DPRX: variants seen among roughly 807,000 people sequenced by gnomAD.
DPRX encodes the protein divergent-paired related homeobox.
DPRX carries 11 observed loss-of-function variants against 8.4 expected under a neutral mutation model. The observed-to-expected ratio is 1.31, with a 90% CI of 0.82 to 2.17. DPRX has a LOEUF of 2.17. Ranked by LOEUF, DPRX falls within the 30% of genes most tolerant of loss-of-function variation. The pLI is 0.00. For synonymous variants in DPRX, 72 were observed against 87.0 expected (o/e 0.83, Z 0.96); for missense variants, 211 against 236.7 (o/e 0.89, Z 0.71).
chr19:53,627,205 T>A (rs909460167), upstream of DPRX, among the ~76,000 whole-genome samples: 1 of 152,120 alleles, frequency 6.6e-6, no homozygotes, highest in Non-Finnish European at 1.5e-5. Context: ...ATCCTGAGAA[T>A]GATAATATAC....
chr19:53,615,822 G>C, the DPRX span, among the ~76,000 whole-genome samples: 2 of 151,736 alleles, frequency 1.3e-5, no homozygotes, highest in African/African-American at 4.8e-5. Context: ...GTGTTTCCTG[G>C]CTGGGTGTGG....
rs143586709 is a variant in DPRX, at chr19:53,633,712, G to A, written c.29-819G>A. On this transcript the variant is annotated intron_variant, in intron 1 of 2. Transcript: ENST00000376650. ...TTTAGTAGAGACAGGGTTTCACCATGTTAGCCAGAATGGTCTTGATCTCTT... is the reference window on the plus strand; with the variant it reads ...TTTAGTAGAGACAGGGTTTCACCATATTAGCCAGAATGGTCTTGATCTCTT... 1.3e-3 allele frequency among the ~76,000 whole-genome samples: 194 copies of A among 152,200 alleles called. No homozygotes were observed. In the East Asian group the frequency reaches 0.015, roughly 12 times the overall value.
At chr19:53,615,842 C>A in the DPRX span, among the ~76,000 whole-genome samples, 1 of 151,856 alleles carries the variant, frequency 6.6e-6, no homozygotes, top group Non-Finnish European at 1.5e-5. Flanking sequence ...GTGGCTCACA[C>A]CTGCAATCCT....
chr19:53,601,754 T>C, the DPRX span, among the ~76,000 whole-genome samples: 1 of 152,120 alleles, frequency 6.6e-6, no homozygotes, highest in Non-Finnish European at 1.5e-5. Context: ...AGTGCTGGGA[T>C]TACAGGTGTG....
At chr19:53,608,745 G>C in the DPRX span, among the ~76,000 whole-genome samples, 4 of 152,110 alleles carry the variant, frequency 2.6e-5, no homozygotes, top group Non-Finnish European at 5.9e-5. Context: ...GAGGTAAGGA[G>C]ATTGAGACCA....
upstream of DPRX, among the ~76,000 whole-genome samples, chr19:53,627,078 G>A (rs759865514): frequency 2.0e-5 from 3 of 152,054 alleles, no homozygotes; most frequent in African/African-American, 7.2e-5. Context: ...CAGAGCCAGC[G>A]GTTTCCAGCC....
chr19:53,617,799 A>G, the DPRX span, among the ~76,000 whole-genome samples: 1 of 152,110 alleles, frequency 6.6e-6, no homozygotes, highest in Non-Finnish European at 1.5e-5. Flanking sequence ...CCACATTGCT[A>G]TACCAATGAT....
the DPRX span, among the ~76,000 whole-genome samples, chr19:53,623,080 C>T: frequency 6.6e-6 from 1 of 151,432 alleles, no homozygotes; most frequent in Admixed American, 6.6e-5. Flanking sequence ...CTGAGGCGGG[C>T]GGATCACGAG....
the DPRX span, chr19:53,601,894 C>T: frequency 2.3e-5 from 9 of 388,396 alleles, no homozygotes; most frequent in South Asian, 3.8e-5. Context: ...ATTGGTTTTT[C>T]GCAACTGCCC....
At chr19:53,616,804 A>G in the DPRX span, 1 of 1,591,756 alleles carries the variant, frequency 6.3e-7, no homozygotes, top group South Asian at 1.1e-5. Flanking sequence ...TGCCACCAAC[A>G]TGGAGACTTT....
chr19:53,612,731 C>T, the DPRX span, among the ~76,000 whole-genome samples: 1 of 151,934 alleles, frequency 6.6e-6, no homozygotes, highest in Non-Finnish European at 1.5e-5. Flanking sequence ...AAAAAAAAGA[C>T]CCCCTCTCTA....
chr19:53,618,823 C>T, the DPRX span, among the ~76,000 whole-genome samples: 2 of 151,842 alleles, frequency 1.3e-5, no homozygotes, highest in Admixed American at 6.6e-5. Context: ...GCTGGGATTA[C>T]AGGCATACGC....
exon 3 of DPRX, chr19:53,636,805 C>T: frequency 6.2e-7 from 1 of 1,614,140 alleles, no homozygotes; most frequent in Non-Finnish European, 8.5e-7. Flanking sequence ...CATTCCAGCT[C>T]ATCCTGTACC....
chr19:53,612,739 C>G, the DPRX span, among the ~76,000 whole-genome samples: 1 of 151,898 alleles, frequency 6.6e-6, no homozygotes, highest in Non-Finnish European at 1.5e-5. Flanking sequence ...GACCCCCTCT[C>G]TATGTTAAAG....
chr19:53,612,744 T>G, the DPRX span, among the ~76,000 whole-genome samples: 1 of 151,890 alleles, frequency 6.6e-6, no homozygotes, highest in South Asian at 2.1e-4. Flanking sequence ...CCTCTCTATG[T>G]TAAAGAATAT....
chr19:53,608,715 G>A, the DPRX span, among the ~76,000 whole-genome samples: 3 of 152,134 alleles, frequency 2.0e-5, no homozygotes, highest in Admixed American at 1.3e-4. Flanking sequence ...CACTCTGGGA[G>A]GCTGAGGCGG....
intron 1 of DPRX, among the ~76,000 whole-genome samples, chr19:53,632,626 T>C (rs1182861558): frequency 2.6e-5 from 4 of 151,888 alleles, no homozygotes; most frequent in African/African-American, 9.6e-5. Context: ...TGTATCTTTA[T>C]AGAGATGGGG....
intron 1 of DPRX, among the ~76,000 whole-genome samples, chr19:53,632,803 G>A (rs1392468829): frequency 2.0e-5 from 3 of 152,082 alleles, no homozygotes; most frequent in Admixed American, 1.3e-4. Context: ...CTTCAAATCC[G>A]AAATCTTCTC....
chr19:53,606,872 A>C, the DPRX span: 1 of 152,748 alleles, frequency 6.5e-6, no homozygotes, highest in African/African-American at 2.4e-5. The surrounding 1 kb of genome is among the most constrained non-coding windows in gnomAD (Gnocchi z 4.8). Context: ...GGTAGCCTTT[A>C]ATGAAACCTG....
Sources: gnomAD v4.1 joint callset for allele counts (sites outside exome capture counted in the v4.1 genomes callset) on GRCh38, gnomAD v4.1.1 for gene constraint, Gnocchi (gnomAD v3.1) non-coding constraint, MANE v1.5 for transcripts, NCBI Gene and HGNC (gene_info 2026-07-23, HGNC 2026-07-21) for gene names.